Variants in ZNF599 observed in about 807,000 individuals in gnomAD.
The protein encoded by ZNF599 is zinc finger protein 599.
In ZNF599, 10 loss-of-function variants were observed where a neutral mutation model predicts 11.7. The observed-to-expected ratio is 0.86, with a 90% CI of 0.53 to 1.45. The LOEUF is 1.45. Among genes scored for constraint, ZNF599 ranks in the 40% most tolerant of loss-of-function variants. ZNF599 has a pLI of 0.00. For missense variants in ZNF599, 688 were observed against 713.6 expected, an observed-to-expected ratio of 0.96 and a Z score of 0.41; for synonymous variants, 232 against 253.2, an observed-to-expected ratio of 0.92 and a Z score of 0.79.
intron 3 of ZNF599, chr19:34,765,766 A>G (rs1459419366): frequency 2.9e-6 from 2 of 682,438 alleles, no homozygotes; most frequent in Non-Finnish European, 5.4e-6. Context: ...GCGGTGATAC[A>G]TGGAACATGT....
At chr19:34,779,458 G>C in the ZNF599 span, 134,573 of 455,536 alleles carry the variant, frequency 0.3, 21,243 homozygotes, top group Non-Finnish European at 0.35. Context: ...TGAACTCTCT[G>C]ATGTTTACTG....
At chr19:34,780,333 C>T in the ZNF599 span, among the ~76,000 whole-genome samples, 1 of 151,946 alleles carries the variant, frequency 6.6e-6, no homozygotes, top group Admixed American at 6.6e-5. Context: ...CATGATGAGA[C>T]CCTGTCTCTA....
In ZNF599 at chr19:34,765,604, G is replaced by A. The variant is rs1171195949; in HGVS notation, c.241+1712C>T. ...GATTCTGCTGGAGAAATTAGCCATG[G>A]CCAGGATGATAACTCTTCCACAGAA... On this transcript the variant is annotated intron_variant, in intron 3 of 3. Transcript: ENST00000329285. 6 of 702,978 alleles carry A rather than the reference G, an allele frequency of 8.5e-6. No individual in the cohort carries two copies. In the East Asian group the frequency reaches 1.6e-4, roughly 19 times the overall value. 43.5% of individuals were successfully genotyped at this position (702,978 alleles called of 1,614,324 possible).
At chr19:34,797,058 G>A in the ZNF599 span, among the ~76,000 whole-genome samples, 3 of 150,284 alleles carry the variant, frequency 2.0e-5, no homozygotes, top group Non-Finnish European at 4.4e-5. Context: ...GTGAGCACAT[G>A]CAGTGTTTGG....
At chr19:34,766,124 C>T (rs1383642855) in intron 3 of ZNF599, among the ~76,000 whole-genome samples, 2 of 152,098 alleles carry the variant, frequency 1.3e-5, no homozygotes, top group African/African-American at 2.4e-5. Flanking sequence ...GCCTCTGAGA[C>T]ATTCAAGTGA....
the ZNF599 span, among the ~76,000 whole-genome samples, chr19:34,803,291 T>C: frequency 2.6e-5 from 4 of 152,108 alleles, no homozygotes; most frequent in Admixed American, 2.6e-4. Context: ...GAAGGATGGA[T>C]CTGTCCTTGG....
chr19:34,784,033 GGTT>G, the ZNF599 span, among the ~76,000 whole-genome samples: 1 of 152,150 alleles, frequency 6.6e-6, no homozygotes, highest in Non-Finnish European at 1.5e-5. Context: ...CATCTCCCAG[GGTT>G]GCTGAATTGG....
At chr19:34,802,374 G>C in the ZNF599 span, among the ~76,000 whole-genome samples, 1 of 152,176 alleles carries the variant, frequency 6.6e-6, no homozygotes, top group Admixed American at 6.5e-5. Context: ...CTCTGCCAAT[G>C]GTTTTTGGTA....
chr19:34,779,338 C>A, the ZNF599 span: 6 of 254,404 alleles, frequency 2.4e-5, no homozygotes, highest in Non-Finnish European at 4.6e-5. Context: ...CAACCTCAAG[C>A]GATCCTACTG....
chr19:34,793,818 T>C, the ZNF599 span, among the ~76,000 whole-genome samples: 1 of 152,242 alleles, frequency 6.6e-6, no homozygotes, highest in Non-Finnish European at 1.5e-5. Flanking sequence ...TGGCTATTCC[T>C]GCATTATATG....
chr19:34,780,128 A>T, the ZNF599 span: 2 of 152,438 alleles, frequency 1.3e-5, no homozygotes, highest in Admixed American at 6.5e-5. Flanking sequence ...CTCACTCAGA[A>T]TCTTCTCCAC....
the ZNF599 span, among the ~76,000 whole-genome samples, chr19:34,784,508 C>G: frequency 6.6e-6 from 1 of 152,272 alleles, no homozygotes; most frequent in South Asian, 2.1e-4. Flanking sequence ...GCGCCCAGTT[C>G]CGATTTGAAG....
chr19:34,769,616 C>A, intron 1 of ZNF599, 61 bp from the exon 2 acceptor site: 6 of 1,573,842 alleles, frequency 3.8e-6, no homozygotes, highest in Non-Finnish European at 5.2e-6. Context: ...TTACAGCTCA[C>A]TTCTTGGTTA....
rs1057172092 is a variant in ZNF599, at chr19:34,759,349, A to G, written c.1452T>C (p.Cys484=). ...AAGAGCTATAGTAAAAGGCTTTTGC[A>G]CATTCTTTGCACTCCAAGGGTTTTT... ...SGQKPLECKE[C]AKAFYYSSSF... Residue 484 remains cysteine (C), a synonymous_variant, in exon 4 of 4, where the codon TGT becomes TGC. Transcript: ENST00000329285. 8 of 1,614,112 alleles carry G rather than the reference A, an allele frequency of 5.0e-6. No homozygotes were observed. The South Asian group carries it at 6.6e-5, about 13-fold the overall frequency.
chr19:34,778,320 A>T, the ZNF599 span, among the ~76,000 whole-genome samples: 14 of 151,210 alleles, frequency 9.3e-5, no homozygotes, highest in Middle Eastern at 3.2e-3. Context: ...TATAATAAAA[A>T]ATATATATAT....
chr19:34,765,456 C>A, intron 3 of ZNF599: 1 of 657,518 alleles, frequency 1.5e-6, no homozygotes. Context: ...TGTGCCTGGA[C>A]TCCCAATCCA....
chr19:34,762,874 T>C (rs1033852097), intron 3 of ZNF599: 1 of 152,246 alleles, frequency 6.6e-6, no homozygotes, highest in African/African-American at 2.4e-5. Flanking sequence ...ATATGTTAAA[T>C]ATATTTTTCT....
At chr19:34,793,531 A>C in the ZNF599 span, among the ~76,000 whole-genome samples, 1 of 152,248 alleles carries the variant, frequency 6.6e-6, no homozygotes, top group African/African-American at 2.4e-5. Flanking sequence ...TTCACTTTTC[A>C]CAAATCAGTT....
the ZNF599 span, among the ~76,000 whole-genome samples, chr19:34,801,307 A>G: frequency 9.4e-4 from 143 of 152,284 alleles, no homozygotes; most frequent in African/African-American, 3.3e-3. Context: ...AGAATTTTCC[A>G]TTTTTGCTGC....
Sources: allele counts gnomAD v4.1 joint callset (sites outside exome capture counted in the v4.1 genomes callset), GRCh38; gene constraint gnomAD v4.1.1; transcripts MANE v1.5; gene names NCBI Gene and HGNC (gene_info 2026-07-23, HGNC 2026-07-21).